The following MCC variants were observed in gnomAD, a reference collection of about 807,000 sequenced individuals.
MCC encodes colorectal mutant cancer protein.
In MCC, 90 loss-of-function variants were observed where a neutral mutation model predicts 116.2. The observed-to-expected ratio is 0.77, with a 90% CI of 0.65 to 0.92. MCC has a LOEUF of 0.92. MCC is among the 40% of genes least tolerant of loss of function. MCC has a pLI of 0.00. For missense variants in MCC, 1,516 were observed against 1,312.2 expected (o/e 1.16, Z -2.40); for synonymous variants, 578 against 510.5 (o/e 1.13, Z -1.78).
intron 3 of MCC, among the ~76,000 whole-genome samples, chr5:113,203,473 C>T (rs1180156409): frequency 1.3e-5 from 2 of 152,006 alleles, no homozygotes; most frequent in Non-Finnish European, 2.9e-5. Flanking sequence ...TAAGAGCTTT[C>T]AGCACGGCCC....
chr5:113,201,591 C>A (rs1488708953), intron 3 of MCC, among the ~76,000 whole-genome samples: 1 of 152,118 alleles, frequency 6.6e-6, no homozygotes, highest in Non-Finnish European at 1.5e-5. Flanking sequence ...ATTTCAGAGT[C>A]AATGCTTTTG....
rs766262186 is a variant in MCC, at chr5:113,346,211, C to T, written c.416-5481G>A. On this transcript the variant is annotated intron_variant, in intron 2 of 18. Coordinates refer to ENST00000408903, the MANE Select transcript of MCC (RefSeq NM_001085377.2). ...AAAAAAGAATAAAAAAAATGAAGCA[C>T]GCCTACAAGATCTAGAAAATAGCCT... Among the ~76,000 whole-genome samples, 5 of 151,994 alleles carry T rather than the reference C, an allele frequency of 3.3e-5. No individual in the cohort carries two copies. In the East Asian group the frequency reaches 5.8e-4, roughly 18 times the overall value.
At chr5:113,439,098 T>A (rs1161437526) in intron 1 of MCC, among the ~76,000 whole-genome samples, 4 of 152,126 alleles carry the variant, frequency 2.6e-5, no homozygotes, top group African/African-American at 9.7e-5. Context: ...AGGAAACAAA[T>A]TTTGAAAACC....
intron 3 of MCC, among the ~76,000 whole-genome samples, chr5:113,336,096 AAGAG>A (rs1343996689): frequency 3.3e-5 from 5 of 151,562 alleles, no homozygotes; most frequent in South Asian, 2.1e-4. Context: ...GAGAAAAAGA[AAGAG>A]AGAGAGACAG....
intron 3 of MCC, among the ~76,000 whole-genome samples, chr5:113,203,772 G>A (rs1351916112): frequency 6.6e-6 from 1 of 152,282 alleles, no homozygotes; most frequent in African/African-American, 2.4e-5. Context: ...GTTAAGATGC[G>A]CTCTAGACAC....
At chr5:113,069,607 C>T (rs1010992023) in intron 12 of MCC, among the ~76,000 whole-genome samples, 4 of 152,206 alleles carry the variant, frequency 2.6e-5, no homozygotes, top group African/African-American at 7.2e-5. Context: ...CTCGCTCTGT[C>T]GCCCAGGCTG....
chr5:113,174,597 A>AT (rs902068370), intron 3 of MCC, among the ~76,000 whole-genome samples: 6 of 151,006 alleles, frequency 4.0e-5, no homozygotes, highest in South Asian at 2.1e-4. Context: ...GTTAAAAAAT[A>AT]TTTTTTTTCT....
At chr5:113,101,467 G>C (rs904496241) in intron 8 of MCC, 5 of 444,008 alleles carry the variant, frequency 1.1e-5, no homozygotes, top group African/African-American at 9.9e-5. Flanking sequence ...GCTTACCCTG[G>C]AAAGTTTAGA....
chr5:113,196,678 T>A (rs1458217240), intron 3 of MCC, among the ~76,000 whole-genome samples: 1 of 152,002 alleles, frequency 6.6e-6, no homozygotes, highest in Non-Finnish European at 1.5e-5. Flanking sequence ...TGAAACCCCA[T>A]CTCTATTAAA....
intron 3 of MCC, among the ~76,000 whole-genome samples, chr5:113,288,159 C>G (rs1390581376): frequency 1.3e-5 from 2 of 152,244 alleles, no homozygotes; most frequent in Admixed American, 6.5e-5. Context: ...GGCTGTCAGC[C>G]GCTGCCTTGC....
intron 5 of MCC, among the ~76,000 whole-genome samples, chr5:113,135,626 G>C (rs1758773265): frequency 6.6e-6 from 1 of 151,082 alleles, no homozygotes; most frequent in Admixed American, 6.6e-5. Context: ...AAATAGGATT[G>C]CTTTCTTGAT....
chr5:113,389,161 C>T (rs1194937473), intron 1 of MCC, among the ~76,000 whole-genome samples: 1 of 152,150 alleles, frequency 6.6e-6, no homozygotes, highest in Non-Finnish European at 1.5e-5. Context: ...ATTATAAAAG[C>T]TCTCCTTTAT....
intron 8 of MCC, among the ~76,000 whole-genome samples, chr5:113,099,011 T>G (rs78398614): frequency 6.6e-6 from 1 of 152,058 alleles, no homozygotes; most frequent in Non-Finnish European, 1.5e-5. Flanking sequence ...AGATCCCTCC[T>G]GAGGGAAATA....
rs573389369 is a variant in MCC, at chr5:113,079,889, C to A, written c.1784+2971G>T. Among the ~76,000 whole-genome samples the A allele has an allele frequency of 5.3e-5, 8 of 152,216 alleles. No homozygotes were observed. In the South Asian group the frequency reaches 1.5e-3, roughly 28 times the overall value. ...ACAGGCAACCTACAGAATGGGAGAA[C>A]ATTTTTACAATCTACCCATCTGACA... is the stretch of plus-strand genomic sequence containing the variant. On this transcript the variant is annotated intron_variant, in intron 11 of 18. Transcript: ENST00000408903.
chr5:113,245,598 G>A (rs1457940111), intron 3 of MCC, among the ~76,000 whole-genome samples: 1 of 152,092 alleles, frequency 6.6e-6, no homozygotes, highest in African/African-American at 2.4e-5. Flanking sequence ...TCCACTGTGA[G>A]AAACAAAACT....
At chr5:113,292,426 G>C (rs1766536003) in intron 3 of MCC, among the ~76,000 whole-genome samples, 2 of 152,152 alleles carry the variant, frequency 1.3e-5, no homozygotes, top group South Asian at 4.1e-4. Flanking sequence ...AAAGGATATA[G>C]CTGAGGAAGG....
chr5:113,258,608 C>T (rs1193838455), intron 3 of MCC, among the ~76,000 whole-genome samples: 6 of 152,232 alleles, frequency 3.9e-5, no homozygotes, highest in African/African-American at 7.2e-5. Context: ...CAATACCATC[C>T]GCCACCCCTG....
intron 3 of MCC, among the ~76,000 whole-genome samples, chr5:113,237,968 G>A (rs1764195196): frequency 6.6e-6 from 1 of 152,194 alleles, no homozygotes; most frequent in Non-Finnish European, 1.5e-5. Flanking sequence ...GGAAAAAACT[G>A]AAGTAGGGAA....
intron 12 of MCC, among the ~76,000 whole-genome samples, chr5:113,070,770 G>C (rs995864776): frequency 2.6e-5 from 4 of 152,072 alleles, no homozygotes; most frequent in South Asian, 2.1e-4. Context: ...GAATGCACTA[G>C]ATTTATAACA....
Sources: gnomAD v4.1 joint callset for allele counts (sites outside exome capture counted in the v4.1 genomes callset) on GRCh38, gnomAD v4.1.1 for gene constraint, MANE v1.5 for transcripts, NCBI Gene and HGNC (gene_info 2026-07-23, HGNC 2026-07-21) for gene names.